The following RELN variants were observed in gnomAD, a reference collection of about 807,000 sequenced individuals.
RELN encodes reelin.
A neutral mutation model predicts 427.6 loss-of-function variants in RELN; 108 were observed. The observed-to-expected ratio is 0.25, with a 90% confidence interval of 0.22 to 0.30. The LOEUF (loss-of-function observed/expected upper bound fraction) is 0.30, where lower values mean the gene tolerates loss of function less well. Among genes scored for constraint, RELN ranks in the 10% least tolerant of loss-of-function variants. The probability of loss-of-function intolerance (pLI) is 1.00; values close to 1 mark genes in which losing one functional copy is unlikely to be tolerated. For missense variants in RELN, 3,715 were observed against 4,302.8 expected (o/e 0.86, Z 3.82); for synonymous variants, 1,524 against 1,513.4 (o/e 1.01, Z -0.16).
At chr7:103,752,520 C>CA (rs1257623609) in intron 5 of RELN, among the ~76,000 whole-genome samples, 1 of 151,832 alleles carries the variant, frequency 6.6e-6, no homozygotes, top group Non-Finnish European at 1.5e-5. Context: ...ATGATCCTCC[C>CA]ATCTCAGCCC....
chr7:103,479,153 T>C (rs1278586246), intron 63 of RELN, among the ~76,000 whole-genome samples: 1 of 152,130 alleles, frequency 6.6e-6, no homozygotes, highest in African/African-American at 2.4e-5. Context: ...ACACAGGAAA[T>C]GTGATGTGTG....
At chr7:103,532,150 A>G (rs544383502) in intron 46 of RELN, among the ~76,000 whole-genome samples, 1 of 152,318 alleles carries the variant, frequency 6.6e-6, no homozygotes, top group Admixed American at 6.5e-5. Context: ...AGGGATGTGG[A>G]TGGAGCTGGA....
chr7:103,919,505 C>T (rs1291417853), intron 1 of RELN, among the ~76,000 whole-genome samples: 3 of 152,116 alleles, frequency 2.0e-5, no homozygotes, highest in Non-Finnish European at 2.9e-5. Context: ...TTGCAGCCCT[C>T]GGTTAATCTG....
intron 8 of RELN, among the ~76,000 whole-genome samples, chr7:103,717,745 T>C (rs1789974717): frequency 6.6e-6 from 1 of 152,064 alleles, no homozygotes; most frequent in African/African-American, 2.4e-5. Flanking sequence ...TCATAATAAG[T>C]TCCCCAAGGT....
chr7:103,956,608 G>C (rs888776767), intron 1 of RELN, among the ~76,000 whole-genome samples: 9 of 152,188 alleles, frequency 5.9e-5, no homozygotes, highest in African/African-American at 2.2e-4. Context: ...TAGAAGCCTA[G>C]TTTAAAAGGA....
Position 103,503,195 on chromosome 7 carries a change from G to C in RELN, c.8310C>G (p.Ala2770=). The part of the protein sequence containing the change: ...SVGCKVSEKI[A]QNQIHVQYST... ...AATACTGCACATGAATTTGATTCTGGGCAATTTTTTCAGACACCTTACATC... is the reference window on the plus strand; with the variant it reads ...AATACTGCACATGAATTTGATTCTGCGCAATTTTTTCAGACACCTTACATC... The change falls in exon 52 of 65, where the codon GCC becomes GCG. Residue 2770 remains alanine (A), a synonymous_variant. Coordinates refer to ENST00000428762, the MANE Select transcript of RELN (RefSeq NM_005045.4). 1.2e-6 allele frequency: 2 copies of C among 1,614,072 alleles called. No homozygotes were observed. The highest frequency in any genetic ancestry group is 1.7e-6 in the Non-Finnish European group (2 of 1,180,010).
At chr7:103,882,751 A>C (rs552103059) in intron 2 of RELN, among the ~76,000 whole-genome samples, 2 of 152,340 alleles carry the variant, frequency 1.3e-5, no homozygotes, top group African/African-American at 4.8e-5. Context: ...GGAGAAGTTG[A>C]ATCCCTGAAC....
intron 10 of RELN, among the ~76,000 whole-genome samples, chr7:103,695,055 A>G (rs1458749194): frequency 6.6e-6 from 1 of 152,136 alleles, no homozygotes; most frequent in Non-Finnish European, 1.5e-5. Context: ...AACACACCTC[A>G]TGACCAATAG....
intron 48 of RELN, among the ~76,000 whole-genome samples, chr7:103,520,954 G>GTTT (rs1462369530): frequency 0.051 from 3,922 of 77,188 alleles, 383 homozygotes; most frequent in East Asian, 0.079. Flanking sequence ...CAGTAAATTT[G>GTTT]TTATTTTTTT....
intron 6 of RELN, among the ~76,000 whole-genome samples, chr7:103,746,066 G>C (rs937054250): frequency 3.3e-5 from 5 of 152,048 alleles, no homozygotes; most frequent in Non-Finnish European, 2.9e-5. Context: ...TACCAAAACA[G>C]AGATATAGAC....
At chr7:103,909,745 AT>A (rs1223740580) in intron 2 of RELN, among the ~76,000 whole-genome samples, 3 of 12,940 alleles carry the variant, frequency 2.3e-4, no homozygotes, top group Non-Finnish European at 5.3e-4. Context: ...ATATATATAA[AT>A]ATATATATTA....
intron 27 of RELN, among the ~76,000 whole-genome samples, chr7:103,591,930 T>C (rs1403163061): frequency 6.6e-6 from 1 of 152,188 alleles, no homozygotes; most frequent in Non-Finnish European, 1.5e-5. Flanking sequence ...CTCCTATCTT[T>C]AAAAATAAAA....
Position 103,821,449 on chromosome 7 carries a change from T to G in RELN, c.473+12088A>C, listed in dbSNP as rs143069169. ...AGATGAGAAACAGCAATTTTTCATC[T>G]AATTTTGATCCACAGACATGTAAGT... On this transcript the variant is annotated intron_variant, in intron 3 of 64. Coordinates refer to ENST00000428762, the MANE Select transcript of RELN (RefSeq NM_005045.4). 5.6e-3 allele frequency among the ~76,000 whole-genome samples: 854 copies of G among 152,300 alleles called. 7 individuals are homozygous for G. The highest frequency in any genetic ancestry group is 0.02 in the African/African-American group (831 of 41,586).
intron 42 of RELN, among the ~76,000 whole-genome samples, chr7:103,544,220 C>CTTTTTTTTTTTT (rs71154356): frequency 1.4e-5 from 1 of 71,198 alleles, no homozygotes; most frequent in Non-Finnish European, 2.6e-5. Context: ...GAAAGAAAAT[C>CTTTTTTTTTTTT]TTTTTTTTTT....
chr7:103,868,353 T>C (rs1457476302), intron 2 of RELN, among the ~76,000 whole-genome samples: 1 of 152,124 alleles, frequency 6.6e-6, no homozygotes, highest in Non-Finnish European at 1.5e-5. Flanking sequence ...TAAGTCAATT[T>C]AAAAGGCAAA....
Position 103,572,277 on chromosome 7 carries a change from T to G in RELN, c.4512-17A>C, listed in dbSNP as rs1219932433. The stretch of plus-strand genomic sequence containing the variant: ...TGAACAAGTCTGGGGAATAAAAACT[T>G]TAGTTTACTTACAAACAAGAGTTCA... On this transcript the variant is annotated splice_polypyrimidine_tract_variant and intron_variant, in intron 30 of 64. Transcript: ENST00000428762. 2.9e-6 allele frequency: 4 copies of G among 1,366,440 alleles called. No homozygotes were observed. Among genetic ancestry groups the G allele is most frequent in the Non-Finnish European group, 4.2e-6 (4 of 954,696 alleles). 84.6% of individuals were successfully genotyped at this position (1,366,440 alleles called of 1,614,324 possible).
rs535987673 is a variant in RELN, at chr7:103,576,970, A to G, written c.4146-1265T>C. Among the ~76,000 whole-genome samples, 5 of 152,232 alleles carry G rather than the reference A, an allele frequency of 3.3e-5. No homozygotes were observed. The East Asian group carries it at 9.7e-4, about 29-fold the overall frequency. ...TGCACACACGCACACACACACACAC[A>G]TATGTACACACACTCCTATAATTTC... On this transcript the variant is annotated intron_variant, in intron 28 of 64. Transcript: ENST00000428762.
chr7:103,793,989 G>C (rs1225945768), intron 3 of RELN, among the ~76,000 whole-genome samples: 1 of 151,924 alleles, frequency 6.6e-6, no homozygotes, highest in Non-Finnish European at 1.5e-5. Flanking sequence ...CTGGTCTTGA[G>C]CTCCTGGCCT....
At chr7:103,715,209 T>G (rs1160076577) in intron 8 of RELN, among the ~76,000 whole-genome samples, 1 of 152,094 alleles carries the variant, frequency 6.6e-6, no homozygotes, top group Non-Finnish European at 1.5e-5. Flanking sequence ...ATTCTAAGCA[T>G]CTACTAAAAA....
Sources: allele counts gnomAD v4.1 joint callset (sites outside exome capture counted in the v4.1 genomes callset), GRCh38; gene constraint gnomAD v4.1.1; transcripts MANE v1.5; gene names NCBI Gene and HGNC (gene_info 2026-07-23, HGNC 2026-07-21).